Variants in TMEM114 observed in about 807,000 individuals in gnomAD.
The protein encoded by TMEM114 is transmembrane protein 114.
In TMEM114, 6 loss-of-function variants were observed where a neutral mutation model predicts 6.2. The ratio of observed to expected loss-of-function variants is 0.97; its 90% CI spans 0.53 to 1.91. The LOEUF is 1.91. TMEM114 is among the 40% of genes most tolerant of loss of function. TMEM114 has a pLI of 0.01. For synonymous variants in TMEM114, 104 were observed against 73.0 expected (o/e 1.42, Z -2.16); for missense variants, 218 against 158.3 (o/e 1.38, Z -2.02).
downstream of TMEM114, among the ~76,000 whole-genome samples, chr16:8,534,621 T>C (rs199596696): frequency 3.3e-5 from 5 of 152,120 alleles, no homozygotes; most frequent in East Asian, 9.6e-4. Flanking sequence ...AAGTGCTTGG[T>C]GGGGGTGCTG....
chr16:8,584,746 AC>A (rs1902260889), intron 2 of TMEM114, among the ~76,000 whole-genome samples: 2 of 151,794 alleles, frequency 1.3e-5, no homozygotes. Context: ...ACGTGGTGAA[AC>A]CCCATCTCTA....
downstream of TMEM114, among the ~76,000 whole-genome samples, chr16:8,566,584 T>C (rs372904068): frequency 9.9e-5 from 15 of 152,068 alleles, no homozygotes; most frequent in African/African-American, 3.1e-4. Flanking sequence ...TGGAACAGCA[T>C]CCCAACCCCA....
chr16:8,567,713 A>G (rs908010345), downstream of TMEM114, among the ~76,000 whole-genome samples: 2 of 152,204 alleles, frequency 1.3e-5, no homozygotes, highest in African/African-American at 2.4e-5. Context: ...CTGGCCCTGC[A>G]GTATTTAATC....
chr16:8,569,782 C>A lies in TMEM114; in HGVS notation c.663G>T (p.Gln221His), dbSNP rs1156899291. 4 of 1,550,128 alleles carry A rather than the reference C, an allele frequency of 2.6e-6. No individual in the cohort carries two copies. The highest frequency in any genetic ancestry group is 3.5e-6 in the Non-Finnish European group (4 of 1,146,716). ...GACCCAGCGCCCAGGCTCATATGGC[C>A]TGGTCCTGCCTCCGTCTCAGGCTGA... ...RELSLRRRQD[Q>H]AI The change falls in exon 4 of 4, where the codon CAG becomes CAT. Residue 221 changes from glutamine (Q) to histidine (H), a missense_variant. Gln to His is a conservative substitution (Grantham distance 24, BLOSUM62 0). Coordinates refer to ENST00000620492, the MANE Select transcript of TMEM114 (RefSeq NM_001146336.2).
Position 8,589,994 on chromosome 16 carries a change from C to T in TMEM114, c.-156G>A. Reference sequence around the variant, plus strand: ...GAAAGCCTTTCCTTTGGACCCCGGGCCCTAGCTTAGACCCTGGCTCCTCAC... The same window carrying T: ...GAAAGCCTTTCCTTTGGACCCCGGGTCCTAGCTTAGACCCTGGCTCCTCAC... On this transcript the variant is annotated 5_prime_UTR_variant, in exon 1 of 4. Transcript: ENST00000620492. 7.8e-6 allele frequency: 3 copies of T among 383,716 alleles called. No homozygotes were observed. The highest frequency in any genetic ancestry group is 1.4e-5 in the Non-Finnish European group (3 of 216,984). The allele number at this position is 383,716 out of a possible 1,614,324, so 23.8% of individuals were successfully genotyped here. A position where few individuals can be genotyped will look rare whatever the true frequency, so the allele number is the denominator to read the frequency against.
chr16:8,562,965 TGAGAGAGTGATG>T (rs1567202602), intron 2 of TMEM114, among the ~76,000 whole-genome samples: 3,915 of 83,660 alleles, frequency 0.047, 394 homozygotes, highest in Non-Finnish European at 0.066. Flanking sequence ...AGTGAATGAG[TGAGAGAGTGATG>T]GAGGGAAGGA....
chr16:8,530,024 C>G, the TMEM114 span, among the ~76,000 whole-genome samples: 1 of 152,154 alleles, frequency 6.6e-6, no homozygotes, highest in African/African-American at 2.4e-5. Context: ...TTCAGCTGAA[C>G]TGAAATTTTA....
At chr16:8,548,871 G>T (rs368489048) in intron 2 of TMEM114, among the ~76,000 whole-genome samples, 1 of 152,136 alleles carries the variant, frequency 6.6e-6, no homozygotes, top group Non-Finnish European at 1.5e-5. Flanking sequence ...GAGAGATCCA[G>T]TTGTTGCCTG....
intron 2 of TMEM114, among the ~76,000 whole-genome samples, chr16:8,577,507 TA>T (rs998198257): frequency 2.4e-4 from 37 of 152,224 alleles, no homozygotes; most frequent in African/African-American, 8.9e-4. Flanking sequence ...AAAAAATATT[TA>T]AGACCTAAGA....
chr16:8,570,015 G>T lies in TMEM114; in HGVS notation c.440-10C>A. ...GCGAGGGTCACCATGGCTGCAGGGA[G>T]GGCAAAGGGAGAGCAGATCAATCCC... On this transcript the variant is annotated splice_polypyrimidine_tract_variant and intron_variant, in intron 3 of 3. Coordinates refer to ENST00000620492, the MANE Select transcript of TMEM114 (RefSeq NM_001146336.2). 3 of 1,545,026 alleles carry T rather than the reference G, an allele frequency of 1.9e-6. No individual in the cohort carries two copies. The highest frequency in any genetic ancestry group is 1.8e-6 in the Non-Finnish European group (2 of 1,142,508).
intron 2 of TMEM114, among the ~76,000 whole-genome samples, chr16:8,584,960 G>GAAAAGA (rs1255915202): frequency 2.1e-5 from 3 of 145,144 alleles, no homozygotes; most frequent in Non-Finnish European, 4.6e-5. Flanking sequence ...AAGAAGAAAA[G>GAAAAGA]AAAAGAAAAA....
At chr16:8,558,831 C>G (rs1220470869) in intron 2 of TMEM114, among the ~76,000 whole-genome samples, 1 of 151,528 alleles carries the variant, frequency 6.6e-6, no homozygotes, top group African/African-American at 2.4e-5. Context: ...ACCCCTGCCT[C>G]CTGGGTTCAA....
At chr16:8,549,326 C>T (rs922419635) in intron 2 of TMEM114, among the ~76,000 whole-genome samples, 1 of 151,546 alleles carries the variant, frequency 6.6e-6, no homozygotes, top group African/African-American at 2.4e-5. Flanking sequence ...ATGACAAAAC[C>T]CCGTCTCTAC....
chr16:8,554,205 C>T (rs985966896), intron 2 of TMEM114, among the ~76,000 whole-genome samples: 3 of 151,956 alleles, frequency 2.0e-5, no homozygotes, highest in African/African-American at 7.3e-5. Flanking sequence ...CTTTAATTTT[C>T]CCCTTTATTC....
intron 2 of TMEM114, among the ~76,000 whole-genome samples, chr16:8,554,013 G>C (rs185316437): frequency 6.6e-6 from 1 of 152,016 alleles, no homozygotes; most frequent in African/African-American, 2.4e-5. Flanking sequence ...TGAATAGCTG[G>C]GATTACAGGC....
intron 2 of TMEM114, among the ~76,000 whole-genome samples, chr16:8,578,285 A>G (rs938958367): frequency 3.9e-5 from 6 of 151,972 alleles, no homozygotes; most frequent in Non-Finnish European, 7.4e-5. Flanking sequence ...CAAGATATCA[A>G]TGGGACTGTG....
intron 2 of TMEM114, among the ~76,000 whole-genome samples, chr16:8,541,086 T>C (rs1260586300): frequency 6.6e-6 from 1 of 152,100 alleles, no homozygotes. Flanking sequence ...CTAATGATAA[T>C]AATGACCACA....
downstream of TMEM114, among the ~76,000 whole-genome samples, chr16:8,568,547 G>C (rs1901620616): frequency 6.6e-6 from 1 of 152,192 alleles, no homozygotes; most frequent in Non-Finnish European, 1.5e-5. Context: ...TGTCAGCTAT[G>C]ATGATGACAG....
chr16:8,560,493 TA>T (rs977389752), intron 2 of TMEM114, among the ~76,000 whole-genome samples: 4 of 152,152 alleles, frequency 2.6e-5, no homozygotes, highest in African/African-American at 9.7e-5. Context: ...CCTCAGCGAC[TA>T]GGGGCTGGGC....
Sources: gnomAD v4.1 joint callset for allele counts (sites outside exome capture counted in the v4.1 genomes callset) on GRCh38, gnomAD v4.1.1 for gene constraint, MANE v1.5 for transcripts, NCBI Gene and HGNC (gene_info 2026-07-23, HGNC 2026-07-21) for gene names.